RAPH1: variants seen among roughly 807,000 people sequenced by gnomAD.
The protein encoded by RAPH1 is ras-associated and pleckstrin homology domains-containing protein 1.
A neutral mutation model predicts 88.1 loss-of-function variants in RAPH1; 18 were observed. The observed-to-expected ratio is 0.20, with a 90% CI of 0.14 to 0.30. The LOEUF (loss-of-function observed/expected upper bound fraction) is 0.30, where lower values mean the gene tolerates loss of function less well. RAPH1 is among the 10% of genes least tolerant of loss of function. The probability of loss-of-function intolerance (pLI) is 1.00; values close to 1 mark genes in which losing one functional copy is unlikely to be tolerated. For missense variants in RAPH1, 1,448 were observed against 1,543.2 expected (o/e 0.94, Z 1.03); for synonymous variants, 587 against 559.0 (o/e 1.05, Z -0.71).
In RAPH1 at chr2:203,455,367, A is replaced by G. The variant is rs2098518480; in HGVS notation, c.1302+70T>C. On this transcript the variant is annotated intron_variant, in intron 9 of 13. Coordinates refer to ENST00000319170, the MANE Select transcript of RAPH1 (RefSeq NM_213589.3). ...AATCATAGCCTGGGTTCACCTTGTCAGCATACTCAATACAAATTAAAAGCA... is the reference window on the plus strand; with the variant it reads ...AATCATAGCCTGGGTTCACCTTGTCGGCATACTCAATACAAATTAAAAGCA... 3.5e-6 allele frequency: 5 copies of G among 1,423,552 alleles called. No individual in the cohort carries two copies. The Admixed American group carries it at 6.0e-5, about 17-fold the overall frequency. 88.2% of individuals were successfully genotyped at this position (1,423,552 alleles called of 1,614,324 possible).
At chr2:203,455,880 G>C (rs1198100624) in intron 8 of RAPH1, among the ~76,000 whole-genome samples, 1 of 150,394 alleles carries the variant, frequency 6.6e-6, no homozygotes, top group Non-Finnish European at 1.5e-5. Context: ...ATGGTGGCGC[G>C]AGCCTGTAGT....
At chr2:203,470,162 A>T in intron 4 of RAPH1, 2 of 916,372 alleles carry the variant, frequency 2.2e-6, no homozygotes, top group Non-Finnish European at 3.4e-6. Context: ...TAATAATATA[A>T]GAGCATGATC....
At chr2:203,495,824 A>G (rs2105855424) in intron 1 of RAPH1, among the ~76,000 whole-genome samples, 1 of 152,328 alleles carries the variant, frequency 6.6e-6, no homozygotes, top group African/African-American at 2.4e-5. Context: ...CAAGTATTTA[A>G]GAGAAAATTT....
At chr2:203,478,805 T>C (rs1470557733) in intron 4 of RAPH1, among the ~76,000 whole-genome samples, 2 of 152,090 alleles carry the variant, frequency 1.3e-5, no homozygotes, top group South Asian at 4.1e-4. Context: ...GTGTATTATA[T>C]TCCAGTTTTA....
At chr2:203,465,931 T>C (rs2098528088) in intron 4 of RAPH1, among the ~76,000 whole-genome samples, 1 of 151,806 alleles carries the variant, frequency 6.6e-6, no homozygotes, top group Admixed American at 6.6e-5. Flanking sequence ...AAGAGACCCG[T>C]GTAACCAACT....
chr2:203,509,066 ATTTTTT>A (rs34628795), intron 1 of RAPH1, among the ~76,000 whole-genome samples: 2 of 120,500 alleles, frequency 1.7e-5, no homozygotes, highest in South Asian at 2.9e-4. Context: ...TTAAAAAATA[ATTTTTT>A]TTTTTTTTTT....
At chr2:203,513,047 C>T (rs757040852) in intron 1 of RAPH1, among the ~76,000 whole-genome samples, 2 of 152,070 alleles carry the variant, frequency 1.3e-5, no homozygotes, top group Admixed American at 6.6e-5. Context: ...CAATTGAAAA[C>T]GTTAGTTTAA....
chr2:203,499,716 A>G (rs1038414894), intron 1 of RAPH1, among the ~76,000 whole-genome samples: 1 of 151,864 alleles, frequency 6.6e-6, no homozygotes, highest in Non-Finnish European at 1.5e-5. Flanking sequence ...ATCTCAAAGA[A>G]AAAAAAAACT....
At chr2:203,522,118 C>G (rs1689904730) in intron 1 of RAPH1, among the ~76,000 whole-genome samples, 2 of 152,126 alleles carry the variant, frequency 1.3e-5, no homozygotes, top group African/African-American at 4.8e-5. Context: ...CAAAACCATA[C>G]AAGCCAAAAG....
intron 1 of RAPH1, among the ~76,000 whole-genome samples, chr2:203,509,184 C>T (rs1054230972): frequency 4.0e-5 from 6 of 150,696 alleles, no homozygotes; most frequent in Admixed American, 6.6e-5. Flanking sequence ...GATTCTTGTG[C>T]CTCAGCCTCC....
At chr2:203,506,896 A>ATTTTT (rs1211565813) in intron 1 of RAPH1, among the ~76,000 whole-genome samples, 1 of 100,916 alleles carries the variant, frequency 9.9e-6, no homozygotes, top group East Asian at 2.5e-4. Context: ...ATATATATAT[A>ATTTTT]TATTTTTTTT....
At chr2:203,506,745 T>TCG (rs1559494043) in intron 1 of RAPH1, among the ~76,000 whole-genome samples, 3 of 110,052 alleles carry the variant, frequency 2.7e-5, no homozygotes, top group African/African-American at 1.8e-4. Flanking sequence ...TATATATCTA[T>TCG]ATATATATAT....
At chr2:203,470,325 A>G (rs2098531929) in intron 4 of RAPH1, 1 of 1,592,384 alleles carries the variant, frequency 6.3e-7, no homozygotes, top group Non-Finnish European at 8.6e-7. Flanking sequence ...TTGTTCAGAA[A>G]AGAGAAAAAC....
At chr2:203,495,892 A>T (rs1005798487) in intron 1 of RAPH1, among the ~76,000 whole-genome samples, 1 of 152,164 alleles carries the variant, frequency 6.6e-6, no homozygotes, top group Non-Finnish European at 1.5e-5. Flanking sequence ...TCCTACCCTC[A>T]CTTTCTATCC....
At chr2:203,474,987 T>C (rs1216635614) in intron 4 of RAPH1, among the ~76,000 whole-genome samples, 7 of 152,176 alleles carry the variant, frequency 4.6e-5, no homozygotes, top group Admixed American at 4.6e-4. Context: ...GAAGCACACT[T>C]GTAGTCGCAG....
At chr2:203,461,444 A>C (rs2098524158) in intron 5 of RAPH1, 36 bp from the exon 6 acceptor site, 6 of 1,491,256 alleles carry the variant, frequency 4.0e-6, no homozygotes, top group Non-Finnish European at 5.4e-6. Flanking sequence ...ATGAACACTA[A>C]AAAATGGCAT....
At chr2:203,473,675 T>TA (rs898904950) in intron 4 of RAPH1, among the ~76,000 whole-genome samples, 4 of 151,690 alleles carry the variant, frequency 2.6e-5, no homozygotes, top group Non-Finnish European at 5.9e-5. Flanking sequence ...AACGTTTAAT[T>TA]AAAAAAAAAT....
At chr2:203,496,457 ATGAC>A (rs1370737551) in intron 1 of RAPH1, among the ~76,000 whole-genome samples, 3 of 152,242 alleles carry the variant, frequency 2.0e-5, no homozygotes, top group Non-Finnish European at 4.4e-5. Context: ...TGTAAGATCA[ATGAC>A]TGATTAATCT....
At chr2:203,462,839 C>CT (rs2153642421) in intron 4 of RAPH1, among the ~76,000 whole-genome samples, 1 of 152,070 alleles carries the variant, frequency 6.6e-6, no homozygotes, top group Non-Finnish European at 1.5e-5. Flanking sequence ...TATAAGTAAA[C>CT]TTTTGTTTAT....
Sources: gnomAD v4.1 joint callset for allele counts (sites outside exome capture counted in the v4.1 genomes callset) on GRCh38, gnomAD v4.1.1 for gene constraint, MANE v1.5 for transcripts, NCBI Gene and HGNC (gene_info 2026-07-23, HGNC 2026-07-21) for gene names.